The following TCF12 variants were observed in gnomAD, a reference collection of about 807,000 sequenced individuals.
TCF12 encodes the protein DNA-binding protein HTF4.
A neutral mutation model predicts 86.0 loss-of-function variants in TCF12; 45 were observed. That is an observed-to-expected ratio of 0.52 (90% CI 0.41 to 0.67). The LOEUF (loss-of-function observed/expected upper bound fraction) is 0.67, where lower values mean the gene tolerates loss of function less well. Ranked by LOEUF, TCF12 falls within the 30% of genes least tolerant of loss-of-function variation. The pLI is 0.00. For synonymous variants in TCF12, 330 were observed against 299.6 expected (o/e 1.10, Z -1.05); for missense variants, 881 against 859.9 (o/e 1.02, Z -0.31).
chr15:57,010,472 C>T (rs568927363), intron 3 of TCF12, among the ~76,000 whole-genome samples: 16 of 151,962 alleles, frequency 1.1e-4, no homozygotes, highest in Middle Eastern at 3.4e-3. Context: ...GCCATAGTAC[C>T]GATATGACAA....
At chr15:57,242,639 G>T (rs1354803714) in intron 12 of TCF12, among the ~76,000 whole-genome samples, 5 of 152,308 alleles carry the variant, frequency 3.3e-5, no homozygotes, top group Admixed American at 3.3e-4. Context: ...TTGCACTCCA[G>T]CCTGGGTGAC....
intron 5 of TCF12, among the ~76,000 whole-genome samples, chr15:57,105,407 TGTG>T (rs1280008313): frequency 1.3e-5 from 2 of 152,118 alleles, no homozygotes; most frequent in Admixed American, 1.3e-4. Context: ...AAGTTCTTTT[TGTG>T]GTGGTGGTGG....
At chr15:57,050,791 C>T (rs1326979494) in intron 3 of TCF12, among the ~76,000 whole-genome samples, 2 of 152,010 alleles carry the variant, frequency 1.3e-5, no homozygotes, top group African/African-American at 2.4e-5. Context: ...TGCTCCAGTC[C>T]ATTGTTAAGC....
intron 3 of TCF12, among the ~76,000 whole-genome samples, chr15:56,944,638 A>G (rs2060917090): frequency 6.6e-6 from 1 of 152,186 alleles, no homozygotes; most frequent in Non-Finnish European, 1.5e-5. Flanking sequence ...TATTCCTGGC[A>G]TTGTAATTTT....
chr15:56,970,448 C>T (rs2062238738), intron 3 of TCF12, among the ~76,000 whole-genome samples: 1 of 141,774 alleles, frequency 7.1e-6, no homozygotes, highest in Admixed American at 7.4e-5. Context: ...CCACTGCACT[C>T]CAGCCTGGGC....
intron 8 of TCF12, among the ~76,000 whole-genome samples, chr15:57,198,633 G>T (rs1252575232): frequency 2.0e-5 from 3 of 152,166 alleles, no homozygotes; most frequent in African/African-American, 7.2e-5. Flanking sequence ...GCAAAAAACG[G>T]AAGTTTTTTT....
intron 3 of TCF12, among the ~76,000 whole-genome samples, chr15:56,953,443 A>G (rs1188091944): frequency 2.0e-5 from 3 of 152,004 alleles, no homozygotes; most frequent in Non-Finnish European, 4.4e-5. Flanking sequence ...GAGTTTTCTT[A>G]TAGTTGGTAT....
At chr15:57,244,605 G>A (rs1487291459) in intron 13 of TCF12, among the ~76,000 whole-genome samples, 6 of 152,042 alleles carry the variant, frequency 3.9e-5, no homozygotes, top group South Asian at 2.1e-4. Flanking sequence ...GATTACAGGC[G>A]TCTGCCACCA....
chr15:57,010,620 TC>T (rs1313636630), intron 3 of TCF12, among the ~76,000 whole-genome samples: 4 of 152,320 alleles, frequency 2.6e-5, no homozygotes, highest in Admixed American at 2.6e-4. Flanking sequence ...GAAGCTTTTT[TC>T]CTGCTCCTTA....
At chr15:57,044,936 G>A (rs1268025361) in intron 3 of TCF12, among the ~76,000 whole-genome samples, 1 of 152,152 alleles carries the variant, frequency 6.6e-6, no homozygotes, top group South Asian at 2.1e-4. Context: ...AAGCAGTGAA[G>A]ATAAACTTGG....
At chr15:56,962,220 C>T (rs1167289423) in intron 3 of TCF12, among the ~76,000 whole-genome samples, 1 of 151,544 alleles carries the variant, frequency 6.6e-6, no homozygotes, top group South Asian at 2.1e-4. Flanking sequence ...TTAATTTTAG[C>T]TACTTTTAAA....
chr15:57,048,242 G>T (rs540200123), intron 3 of TCF12, among the ~76,000 whole-genome samples: 4 of 150,874 alleles, frequency 2.7e-5, no homozygotes, highest in South Asian at 2.1e-4. Context: ...AAGTTTTTTT[G>T]TTTGTTTGTT....
At chr15:57,079,447 G>A (rs948316882) in intron 4 of TCF12, among the ~76,000 whole-genome samples, 1 of 152,086 alleles carries the variant, frequency 6.6e-6, no homozygotes, top group African/African-American at 2.4e-5. Context: ...CTCACTCCAG[G>A]ATACAAACCA....
At chr15:56,936,490 G>C (rs2566840) in intron 3 of TCF12, among the ~76,000 whole-genome samples, 113,116 of 152,062 alleles carry the variant, frequency 0.74, 42,208 homozygotes, top group East Asian at 0.79. Context: ...TTAATTAAGA[G>C]CTACCTCTTT....
At chr15:57,079,648 T>C (rs1191880835) in intron 4 of TCF12, among the ~76,000 whole-genome samples, 1 of 152,174 alleles carries the variant, frequency 6.6e-6, no homozygotes, top group Non-Finnish European at 1.5e-5. Flanking sequence ...AACTGGTGAA[T>C]GAGTAGCCCC....
intron 3 of TCF12, among the ~76,000 whole-genome samples, chr15:56,946,840 G>C (rs1595798431): frequency 8.6e-6 from 1 of 115,758 alleles, no homozygotes; most frequent in African/African-American, 3.2e-5. Context: ...TTGCTCTGTT[G>C]CCCATGCTGG....
At chr15:57,153,595 A>T (rs2053913394) in intron 5 of TCF12, among the ~76,000 whole-genome samples, 1 of 152,236 alleles carries the variant, frequency 6.6e-6, no homozygotes, top group Admixed American at 6.5e-5. Flanking sequence ...AAAATATGTA[A>T]CAGTAATCTA....
chr15:56,924,708 A>G (rs1434587449), intron 3 of TCF12, among the ~76,000 whole-genome samples: 1 of 152,244 alleles, frequency 6.6e-6, no homozygotes, highest in Non-Finnish European at 1.5e-5. Flanking sequence ...GTAACCACAG[A>G]GTCAGCAGGT....
In TCF12 at chr15:57,099,807, T is replaced by C. The variant is rs534603679; in HGVS notation, c.325+7916T>C. 1.6e-3 allele frequency among the ~76,000 whole-genome samples: 250 copies of C among 152,292 alleles called. 1 individual carries two copies. The highest frequency in any genetic ancestry group is 4.8e-3 in the South Asian group (23 of 4,830). On this transcript the variant is annotated intron_variant, in intron 5 of 20. Transcript: ENST00000333725. ...ATATTATGGGATATTCAACAGAAGA[T>C]TGATCAAAGCAATCAACTGTGGCTT...
Sources: gnomAD v4.1 joint callset for allele counts (sites outside exome capture counted in the v4.1 genomes callset) on GRCh38, gnomAD v4.1.1 for gene constraint, MANE v1.5 for transcripts, NCBI Gene and HGNC (gene_info 2026-07-23, HGNC 2026-07-21) for gene names.